Variants in LRP1B observed in about 807,000 individuals in gnomAD.
LRP1B encodes the protein LDL receptor related protein 1B.
LRP1B carries 217 observed loss-of-function variants against 556.6 expected under a neutral mutation model. The ratio of observed to expected loss-of-function variants is 0.39; its 90% CI spans 0.35 to 0.44. The LOEUF (loss-of-function observed/expected upper bound fraction) is 0.44. LRP1B is among the 20% of genes least tolerant of loss of function. The pLI, the probability that LRP1B is intolerant of heterozygous loss-of-function variation, is 1.00. For synonymous variants in LRP1B, 2,047 were observed against 1,865.8 expected (o/e 1.10, Z -2.50); for missense variants, 5,053 against 5,620.8 (o/e 0.90, Z 3.23).
chr2:141,304,174 G>T (rs1686497683), intron 3 of LRP1B, among the ~76,000 whole-genome samples: 1 of 151,930 alleles, frequency 6.6e-6, no homozygotes, highest in Non-Finnish European at 1.5e-5. Context: ...GTCCCTTGTT[G>T]GATGAATACT....
chr2:140,361,560 C>T (rs1172062249), intron 72 of LRP1B, among the ~76,000 whole-genome samples: 1 of 150,646 alleles, frequency 6.6e-6, no homozygotes, highest in African/African-American at 2.4e-5. Flanking sequence ...TTTCCCATGC[C>T]TCTGCAGAAA....
chr2:141,324,158 C>T (rs1305767542), intron 3 of LRP1B, among the ~76,000 whole-genome samples: 11 of 151,394 alleles, frequency 7.3e-5, no homozygotes, highest in African/African-American at 2.4e-4. Flanking sequence ...GGAAACCACA[C>T]ACACACAGAT....
intron 2 of LRP1B, among the ~76,000 whole-genome samples, chr2:141,505,663 G>A (rs1683901675): frequency 1.3e-5 from 2 of 152,086 alleles, no homozygotes; most frequent in Middle Eastern, 3.4e-3. Flanking sequence ...TAGTTATAAA[G>A]TAAGCTTTTG....
chr2:141,269,448 A>G (rs1685007460), intron 3 of LRP1B, among the ~76,000 whole-genome samples: 2 of 152,214 alleles, frequency 1.3e-5, no homozygotes, highest in Admixed American at 1.3e-4. Flanking sequence ...TAAGTGTAAT[A>G]CCAATAAAGA....
intron 1 of LRP1B, among the ~76,000 whole-genome samples, chr2:141,817,400 C>A (rs969441658): frequency 1.3e-5 from 2 of 152,080 alleles, no homozygotes; most frequent in African/African-American, 4.8e-5. Context: ...ACACAGTTTA[C>A]TCAGTTTGGA....
intron 3 of LRP1B, among the ~76,000 whole-genome samples, chr2:141,345,648 C>A (rs1467878005): frequency 7.0e-6 from 1 of 143,836 alleles, no homozygotes; most frequent in East Asian, 2.0e-4. Flanking sequence ...TGCCACCATA[C>A]CTGGCTAATT....
intron 25 of LRP1B, among the ~76,000 whole-genome samples, 163 bp from the exon 26 acceptor site, chr2:140,868,426 G>A (rs1169540097): frequency 6.6e-6 from 1 of 152,036 alleles, no homozygotes; most frequent in Non-Finnish European, 1.5e-5. Context: ...CAGTGGAGGA[G>A]CCAGACTAAA....
chr2:140,819,409 T>G (rs1027880595), intron 31 of LRP1B, among the ~76,000 whole-genome samples: 11 of 152,138 alleles, frequency 7.2e-5, no homozygotes, highest in Admixed American at 2.0e-4. Context: ...ATAAAAGACA[T>G]GATTTAGTCT....
intron 43 of LRP1B, among the ~76,000 whole-genome samples, chr2:140,586,092 T>C (rs1356189433): frequency 6.6e-6 from 1 of 152,132 alleles, no homozygotes; most frequent in Non-Finnish European, 1.5e-5. Flanking sequence ...CACTAACTTA[T>C]GCTCCTAGAA....
At chr2:141,914,062 A>G (rs1699972219) in intron 1 of LRP1B, among the ~76,000 whole-genome samples, 1 of 151,930 alleles carries the variant, frequency 6.6e-6, no homozygotes, top group Non-Finnish European at 1.5e-5. Flanking sequence ...CCTTCCTTTA[A>G]CCTTACCAAG....
chr2:140,638,710 C>A (rs1684163323), intron 41 of LRP1B, among the ~76,000 whole-genome samples: 1 of 151,856 alleles, frequency 6.6e-6, no homozygotes, highest in South Asian at 2.1e-4. Context: ...CTGGTGTACT[C>A]TACAAGGCAT....
At chr2:141,055,575 C>T (rs1184067736) in intron 9 of LRP1B, among the ~76,000 whole-genome samples, 1 of 151,778 alleles carries the variant, frequency 6.6e-6, no homozygotes, top group African/African-American at 2.4e-5. Context: ...TGCTTCTCAT[C>T]CTTTTTAAAA....
chr2:140,336,369 G>T (rs1302025973), intron 77 of LRP1B, among the ~76,000 whole-genome samples: 4 of 142,088 alleles, frequency 2.8e-5, no homozygotes, highest in Non-Finnish European at 3.1e-5. Flanking sequence ...TACAACTAAA[G>T]TTATGGATAG....
intron 1 of LRP1B, among the ~76,000 whole-genome samples, chr2:142,074,156 A>G (rs1705419091): frequency 6.6e-6 from 1 of 151,910 alleles, no homozygotes; most frequent in Non-Finnish European, 1.5e-5. Flanking sequence ...CCTCACTCAT[A>G]AATACCTTGA....
At chr2:140,283,312 T>C (rs139450866) in intron 84 of LRP1B, among the ~76,000 whole-genome samples, 8 of 151,944 alleles carry the variant, frequency 5.3e-5, no homozygotes, top group Non-Finnish European at 1.0e-4. Context: ...TGCATAGTGC[T>C]AAATATACCT....
At chr2:141,084,690 C>G (rs1448137909) in intron 7 of LRP1B, among the ~76,000 whole-genome samples, 2 of 151,554 alleles carry the variant, frequency 1.3e-5, no homozygotes, top group Admixed American at 1.3e-4. Context: ...CGCTCTGTCC[C>G]CCAGACTGGA....
intron 43 of LRP1B, among the ~76,000 whole-genome samples, chr2:140,551,841 T>C (rs1199962289): frequency 6.6e-6 from 1 of 152,180 alleles, no homozygotes; most frequent in Non-Finnish European, 1.5e-5. Flanking sequence ...GTTTTCATCC[T>C]TTTTAGTTAT....
At chr2:141,377,425 C>T (rs1230479244) in intron 3 of LRP1B, among the ~76,000 whole-genome samples, 2 of 151,902 alleles carry the variant, frequency 1.3e-5, no homozygotes, top group African/African-American at 4.8e-5. Context: ...TCTTTTCATT[C>T]ATGGATTGTC....
chr2:140,941,844 T>A (rs1017953461), intron 20 of LRP1B, among the ~76,000 whole-genome samples: 2 of 152,094 alleles, frequency 1.3e-5, no homozygotes, highest in African/African-American at 4.8e-5. Flanking sequence ...CTCCATCAGA[T>A]AATGAGGAAT....
Sources: allele counts gnomAD v4.1 joint callset (sites outside exome capture counted in the v4.1 genomes callset), GRCh38; gene constraint gnomAD v4.1.1; transcripts MANE v1.5; gene names NCBI Gene and HGNC (gene_info 2026-07-23, HGNC 2026-07-21).